The following ASH1L variants were observed in gnomAD, a reference collection of about 807,000 sequenced individuals.
ASH1L encodes histone-lysine N-methyltransferase ASH1L.
A neutral mutation model predicts 269.0 loss-of-function variants in ASH1L; 23 were observed. That is an observed-to-expected ratio of 0.09 (90% CI 0.06 to 0.12). The LOEUF (loss-of-function observed/expected upper bound fraction) is 0.12, where lower values mean the gene tolerates loss of function less well. Among genes scored for constraint, ASH1L ranks in the 10% least tolerant of loss-of-function variants. ASH1L has a pLI of 1.00. For missense variants in ASH1L, 2,912 were observed against 3,567.8 expected (o/e 0.82, Z 4.68); for synonymous variants, 1,187 against 1,253.5 (o/e 0.95, Z 1.12).
At chr1:155,486,282 A>G (rs1666323164) in intron 2 of ASH1L, among the ~76,000 whole-genome samples, 1 of 152,228 alleles carries the variant, frequency 6.6e-6, no homozygotes, top group Admixed American at 6.5e-5. Flanking sequence ...ACTGGACCTT[A>G]TAATTTTGCC....
chr1:155,545,121 G>A (rs994355598), intron 1 of ASH1L, among the ~76,000 whole-genome samples: 11 of 122,072 alleles, frequency 9.0e-5, no homozygotes, highest in Non-Finnish European at 1.4e-4. Flanking sequence ...GCGGTGAGCC[G>A]AGATCGCGCC....
intron 25 of ASH1L, among the ~76,000 whole-genome samples, chr1:155,341,425 C>G (rs1328782012): frequency 6.6e-6 from 1 of 152,186 alleles, no homozygotes; most frequent in Non-Finnish European, 1.5e-5. Context: ...ATCCGCCCAC[C>G]TTGGCCTCCC....
intron 3 of ASH1L, among the ~76,000 whole-genome samples, chr1:155,466,943 G>A (rs1303980122): frequency 6.6e-6 from 1 of 151,808 alleles, no homozygotes; most frequent in Non-Finnish European, 1.5e-5. Flanking sequence ...TGCTTGTACA[G>A]TGAATATACT....
At chr1:155,347,278 A>G (rs897427517) in intron 20 of ASH1L, among the ~76,000 whole-genome samples, 1 of 152,116 alleles carries the variant, frequency 6.6e-6, no homozygotes, top group Non-Finnish European at 1.5e-5. Flanking sequence ...CACGTGGCAC[A>G]TGCCTATAAT....
At chr1:155,373,368 G>T (rs1422574711) in intron 10 of ASH1L, among the ~76,000 whole-genome samples, 1 of 151,882 alleles carries the variant, frequency 6.6e-6, no homozygotes, top group African/African-American at 2.4e-5. Context: ...GCTCGCTGCA[G>T]CTCTGACCAC....
chr1:155,412,075 C>T (rs918315365), intron 6 of ASH1L, among the ~76,000 whole-genome samples: 2 of 151,882 alleles, frequency 1.3e-5, no homozygotes, highest in Non-Finnish European at 2.9e-5. Flanking sequence ...AACCCCGTCT[C>T]TACTAAAATA....
chr1:155,483,459 G>T (rs1666092496), intron 2 of ASH1L, among the ~76,000 whole-genome samples: 1 of 152,056 alleles, frequency 6.6e-6, no homozygotes, highest in Admixed American at 6.6e-5. Flanking sequence ...CCCAATCATT[G>T]AAACAGTACA....
rs1671040874 is a variant in ASH1L, at chr1:155,549,331, A to AC, written c.-100+12821dup. On this transcript the variant is annotated intron_variant, in intron 1 of 27. Coordinates refer to ENST00000392403, the MANE Select transcript of ASH1L (RefSeq NM_018489.3). ...GCACTCTAGCCTGGATAACAGAGAG[A>AC]CCCTGTCTCAAAAAAAAACTTTTTG... 2.0e-5 allele frequency among the ~76,000 whole-genome samples: 3 copies of AC among 151,960 alleles called. 1 individual carries two copies. The highest frequency in any genetic ancestry group is 6.6e-5 in the Admixed American group (1 of 15,234).
chr1:155,409,658 A>G (rs1213078987), intron 6 of ASH1L, among the ~76,000 whole-genome samples: 3 of 152,052 alleles, frequency 2.0e-5, no homozygotes, highest in Non-Finnish European at 4.4e-5. Context: ...TAGAGACTGG[A>G]TCTCACTATG....
At chr1:155,489,552 C>T (rs1480604456) in intron 2 of ASH1L, among the ~76,000 whole-genome samples, 2 of 151,112 alleles carry the variant, frequency 1.3e-5, no homozygotes, top group South Asian at 4.2e-4. Context: ...AGGTGGATCA[C>T]GAGGTCAGGA....
At chr1:155,437,305 C>T (rs12041534) in intron 5 of ASH1L, among the ~76,000 whole-genome samples, 48,082 of 152,002 alleles carry the variant, frequency 0.32, 8,104 homozygotes, top group East Asian at 0.72. Context: ...TGAGTAGACA[C>T]TTCTCTAAAG....
At chr1:155,472,010 G>A (rs939417423) in intron 3 of ASH1L, among the ~76,000 whole-genome samples, 1 of 152,162 alleles carries the variant, frequency 6.6e-6, no homozygotes, top group African/African-American at 2.4e-5. Flanking sequence ...AAGAAAAAAA[G>A]CCAAGTGCAG....
Position 155,426,449 on chromosome 1 carries a change from C to T in ASH1L, c.5829-10526G>A, listed in dbSNP as rs186524189. ...ATCTCCTGACCTCGTGATCCGACCG[C>T]CTCGGCCTCCCAAAGTGCTGGGATT... On this transcript the variant is annotated intron_variant, in intron 5 of 27. Transcript: ENST00000392403. Among the ~76,000 whole-genome samples, 95 of 152,252 alleles carry T rather than the reference C, an allele frequency of 6.2e-4. 2 individuals carry two copies. Among genetic ancestry groups the T allele is most frequent in the Admixed American group, 6.2e-3 (95 of 15,280 alleles).
intron 2 of ASH1L, among the ~76,000 whole-genome samples, chr1:155,484,489 AAAAC>A (rs1203072228): frequency 1.3e-5 from 2 of 152,166 alleles, no homozygotes; most frequent in Non-Finnish European, 2.9e-5. Flanking sequence ...CTCTGTCTCA[AAAAC>A]AAACAAAAAA....
intron 2 of ASH1L, among the ~76,000 whole-genome samples, chr1:155,504,949 C>T (rs1667724329): frequency 6.6e-6 from 1 of 151,670 alleles, no homozygotes; most frequent in African/African-American, 2.4e-5. Flanking sequence ...GAAAAATAGT[C>T]CAAAAAAGTG....
At chr1:155,553,540 G>T (rs538289819) in intron 1 of ASH1L, among the ~76,000 whole-genome samples, 1 of 152,196 alleles carries the variant, frequency 6.6e-6, no homozygotes, top group Admixed American at 6.5e-5. Context: ...TGTGTCATAC[G>T]TTCATACGTT....
intron 1 of ASH1L, among the ~76,000 whole-genome samples, chr1:155,553,370 G>C (rs1384973085): frequency 6.6e-6 from 1 of 152,066 alleles, no homozygotes; most frequent in East Asian, 1.9e-4. Context: ...TATAACAATA[G>C]TTTTTTGTCT....
rs368708523 is a variant in ASH1L at position 155,424,108 on chromosome 1, G to A, written c.5829-8185C>T. 1.2e-4 allele frequency among the ~76,000 whole-genome samples: 18 copies of A among 152,216 alleles called. No homozygotes were observed. In the East Asian group the frequency reaches 1.9e-3, roughly 16 times the overall value. On this transcript the variant is annotated intron_variant, in intron 5 of 27. Coordinates refer to ENST00000392403, the MANE Select transcript of ASH1L (RefSeq NM_018489.3). ...AAGCAGTTCAACTTTTTGTTTTCTT[G>A]TAATGCCATGACTTTTCTCTTGTTC... is the stretch of plus-strand genomic sequence containing the variant.
At chr1:155,559,794 T>C (rs1164900591) in intron 1 of ASH1L, among the ~76,000 whole-genome samples, 1 of 152,174 alleles carries the variant, frequency 6.6e-6, no homozygotes, top group Non-Finnish European at 1.5e-5. Flanking sequence ...TTGATTTTTG[T>C]GTCTCCTGCA....
Sources: allele counts gnomAD v4.1 joint callset (sites outside exome capture counted in the v4.1 genomes callset), GRCh38; gene constraint gnomAD v4.1.1; transcripts MANE v1.5; gene names NCBI Gene and HGNC (gene_info 2026-07-23, HGNC 2026-07-21).